The following REDIC1 variants were observed in gnomAD, a reference collection of about 807,000 sequenced individuals.
The protein encoded by REDIC1 is regulator of DNA class I crossover intermediates 1.
chr12:39,673,630 G>A, the REDIC1 span, among the ~76,000 whole-genome samples: 1 of 152,162 alleles, frequency 6.6e-6, no homozygotes, highest in East Asian at 1.9e-4. Flanking sequence ...TACTGATTAT[G>A]CAGTTTGCCT....
the REDIC1 span, among the ~76,000 whole-genome samples, chr12:39,633,440 C>T: frequency 6.6e-6 from 1 of 152,110 alleles, no homozygotes; most frequent in African/African-American, 2.4e-5. Context: ...TCTGGAACAC[C>T]TTCTGAAGGG....
At chr12:39,728,543 T>A in the REDIC1 span, among the ~76,000 whole-genome samples, 1 of 152,172 alleles carries the variant, frequency 6.6e-6, no homozygotes, top group East Asian at 1.9e-4. Flanking sequence ...CTGGATTTGG[T>A]TTGCCGGTAT....
the REDIC1 span, among the ~76,000 whole-genome samples, chr12:39,831,973 A>C: frequency 1.5e-4 from 23 of 152,144 alleles, no homozygotes; most frequent in Admixed American, 1.4e-3. Context: ...ACAGACTAAC[A>C]CAACTGGCAT....
At chr12:39,838,209 G>A in the REDIC1 span, among the ~76,000 whole-genome samples, 7 of 151,044 alleles carry the variant, frequency 4.6e-5, no homozygotes, top group Non-Finnish European at 7.4e-5. Flanking sequence ...GATGAAATTG[G>A]AAATCATCAT....
the REDIC1 span, among the ~76,000 whole-genome samples, chr12:39,701,790 CAA>C: frequency 6.6e-6 from 1 of 152,022 alleles, no homozygotes; most frequent in African/African-American, 2.4e-5. Flanking sequence ...GAATCTCACT[CAA>C]AACCGCTCAA....
At chr12:39,866,391 A>G in the REDIC1 span, among the ~76,000 whole-genome samples, 1 of 152,234 alleles carries the variant, frequency 6.6e-6, no homozygotes, top group East Asian at 1.9e-4. Context: ...CAACCTTTCC[A>G]TAATTCAATG....
the REDIC1 span, among the ~76,000 whole-genome samples, chr12:39,712,417 T>C: frequency 1.5e-5 from 2 of 132,726 alleles, no homozygotes; most frequent in Admixed American, 1.6e-4. Context: ...CATACGTATA[T>C]ACATACGTAT....
At chr12:39,839,827 A>G in the REDIC1 span, among the ~76,000 whole-genome samples, 1 of 152,088 alleles carries the variant, frequency 6.6e-6, no homozygotes, top group Non-Finnish European at 1.5e-5. Context: ...CCAATTGCCC[A>G]GTTATCTGGA....
the REDIC1 span, among the ~76,000 whole-genome samples, chr12:39,837,633 C>G: frequency 6.7e-6 from 1 of 149,644 alleles, no homozygotes; most frequent in African/African-American, 2.4e-5. Flanking sequence ...TGAACTCCAA[C>G]AAATTTACAA....
chr12:39,826,883 G>GTTT, the REDIC1 span, among the ~76,000 whole-genome samples: 9 of 43,164 alleles, frequency 2.1e-4, no homozygotes, highest in South Asian at 5.5e-4. Context: ...GCAATGCAAG[G>GTTT]TTCTTTATGT....
At chr12:39,840,404 A>G in the REDIC1 span, among the ~76,000 whole-genome samples, 2 of 151,966 alleles carry the variant, frequency 1.3e-5, no homozygotes, top group Non-Finnish European at 2.9e-5. Context: ...TTTAAATCCT[A>G]AAGAGCTTCC....
the REDIC1 span, among the ~76,000 whole-genome samples, chr12:39,860,536 A>G: frequency 3.9e-5 from 6 of 152,190 alleles, no homozygotes; most frequent in Non-Finnish European, 8.8e-5. Flanking sequence ...TACCTATTCA[A>G]TATCCCAGCT....
chr12:39,717,411 CTT>C, the REDIC1 span, among the ~76,000 whole-genome samples: 1 of 151,728 alleles, frequency 6.6e-6, no homozygotes, highest in Non-Finnish European at 1.5e-5. Context: ...CTAAGGAAAT[CTT>C]AAGGAAGAAA....
the REDIC1 span, among the ~76,000 whole-genome samples, chr12:39,631,014 C>G: frequency 6.6e-6 from 1 of 152,040 alleles, no homozygotes; most frequent in South Asian, 2.1e-4. Flanking sequence ...TGAGCCTCCT[C>G]AGTAGCTGCG....
chr12:39,691,145 G>C, the REDIC1 span, among the ~76,000 whole-genome samples: 2 of 152,118 alleles, frequency 1.3e-5, no homozygotes, highest in African/African-American at 4.8e-5. Context: ...TTGTGGGGAA[G>C]ATTTTTATGG....
the REDIC1 span, among the ~76,000 whole-genome samples, chr12:39,873,131 GAA>G: frequency 6.6e-6 from 1 of 151,928 alleles, no homozygotes. Flanking sequence ...CATTCATCTT[GAA>G]AAAAAGTGTT....
chr12:39,863,709 T>C, the REDIC1 span, among the ~76,000 whole-genome samples: 1 of 152,080 alleles, frequency 6.6e-6, no homozygotes, highest in Non-Finnish European at 1.5e-5. Flanking sequence ...AGTGAGCCAA[T>C]AATAAACAAA....
chr12:39,706,661 A>G, the REDIC1 span, among the ~76,000 whole-genome samples: 2 of 151,990 alleles, frequency 1.3e-5, no homozygotes, highest in African/African-American at 2.4e-5. Flanking sequence ...AAACAGACAC[A>G]TAGACCAATG....
At chr12:39,690,106 G>A in the REDIC1 span, among the ~76,000 whole-genome samples, 1 of 152,150 alleles carries the variant, frequency 6.6e-6, no homozygotes, top group African/African-American at 2.4e-5. Context: ...CCAATGGGAT[G>A]GAATGAAGGG....
Sources: allele counts gnomAD v4.1 joint callset (sites outside exome capture counted in the v4.1 genomes callset), GRCh38; gene constraint gnomAD v4.1.1; transcripts MANE v1.5; gene names NCBI Gene and HGNC (gene_info 2026-07-23, HGNC 2026-07-21).